The following CD99 variants were observed in gnomAD, a reference collection of about 807,000 sequenced individuals.
CD99 encodes CD99 antigen.
In CD99, 19 loss-of-function variants were observed where a neutral mutation model predicts 28.4. The observed-to-expected ratio is 0.67, with a 90% CI of 0.47 to 0.98. The LOEUF (loss-of-function observed/expected upper bound fraction) is 0.98, where lower values mean the gene tolerates loss of function less well. Among genes scored for constraint, CD99 ranks in the 50% least tolerant of loss-of-function variants. The pLI is 0.00. For missense variants in CD99, 283 were observed against 248.8 expected, an observed-to-expected ratio of 1.14 and a Z score of -0.92; for synonymous variants, 103 against 92.1, an observed-to-expected ratio of 1.12 and a Z score of -0.67.
intron 1 of CD99, 81 bp downstream of exon 1, chrX:2,691,508 G>A: frequency 6.9e-6 from 10 of 1,446,824 alleles, no homozygotes; most frequent in Middle Eastern, 2.1e-4. Flanking sequence ...TGCGGCGTTG[G>A]GGGCGCCCCG....
At chrX:2,704,271 A>G (rs2048018155) in intron 1 of CD99, among the ~76,000 whole-genome samples, 1 of 152,082 alleles carries the variant, frequency 6.6e-6, no homozygotes, top group South Asian at 2.1e-4. Context: ...TTCTTACCAA[A>G]CATATTGTAA....
intron 8 of CD99, among the ~76,000 whole-genome samples, chrX:2,732,562 CCTCT>C (rs201358537): frequency 7.3e-6 from 1 of 137,620 alleles, no homozygotes. Context: ...CTCAGTTCTC[CCTCT>C]CTCTCTCTTT....
chrX:2,709,274 G>C (rs910757777), intron 1 of CD99, among the ~76,000 whole-genome samples: 15 of 90,134 alleles, frequency 1.7e-4, no homozygotes, highest in Non-Finnish European at 5.2e-4. Context: ...CAAGTCACAT[G>C]TGCACGTGAG....
At chrX:2,710,246 T>C (rs376038964) in intron 1 of CD99, among the ~76,000 whole-genome samples, 1 of 152,142 alleles carries the variant, frequency 6.6e-6, no homozygotes, top group South Asian at 2.1e-4. Flanking sequence ...CACTGGAGTT[T>C]CCTGGGTTCT....
rs761275997 is a variant in CD99, at chrX:2,723,315, A to T, written c.312A>T (p.Gly104=). The change falls in exon 7 of 10, where the codon GGA becomes GGT. Residue 104 remains glycine (G), a splice_region_variant and synonymous_variant. Coordinates refer to ENST00000381192, the MANE Select transcript of CD99 (RefSeq NM_002414.5). ...GCAGACGTTGTTTTTGTCTTGCAGG[A>T]AAAGGAGGCAGTGATGGTGGAGGCA... ...DLADGVSGGE[G]KGGSDGGGSH... The T allele has an allele frequency of 8.1e-6, 13 of 1,613,886 alleles. No homozygotes were observed. The East Asian group carries it at 2.7e-4, about 33-fold the overall frequency.
chrX:2,693,150 G>T (rs1366933788), intron 1 of CD99, among the ~76,000 whole-genome samples: 1 of 147,024 alleles, frequency 6.8e-6, no homozygotes, highest in Admixed American at 6.8e-5. Context: ...GGTGGTGGTG[G>T]TTTTTTTTTT....
intron 8 of CD99, 108 bp downstream of exon 8, chrX:2,726,481 G>A (rs1348116488): frequency 1.3e-6 from 1 of 751,956 alleles, no homozygotes; most frequent in Admixed American, 1.9e-5. Flanking sequence ...ACAGGTGCAC[G>A]ATGGCTGATG....
intron 1 of CD99, among the ~76,000 whole-genome samples, chrX:2,696,132 A>C (rs968457361): frequency 5.9e-5 from 9 of 152,208 alleles, no homozygotes; most frequent in Admixed American, 6.5e-5. Context: ...TTTTTAGAGA[A>C]TTGGCAGAGA....
chrX:2,730,949 GAGAA>G (rs1179596859), intron 8 of CD99, among the ~76,000 whole-genome samples: 48 of 137,858 alleles, frequency 3.5e-4, no homozygotes, highest in East Asian at 2.1e-3. Flanking sequence ...AAAAAAAAAA[GAGAA>G]AGAAAACAAA....
At chrX:2,723,214 A>T in intron 6 of CD99, 100 bp from the exon 7 acceptor site, 1 of 1,170,192 alleles carries the variant, frequency 8.5e-7, no homozygotes, top group Non-Finnish European at 1.3e-6. Context: ...GTACCCCCGT[A>T]GAGTGTAAGA....
chrX:2,704,648 C>T (rs2048034002), intron 1 of CD99, among the ~76,000 whole-genome samples: 1 of 151,876 alleles, frequency 6.6e-6, no homozygotes, highest in African/African-American at 2.4e-5. Flanking sequence ...GGTCTCGAAC[C>T]CCTGACCTCA....
At chrX:2,738,387 A>T (rs954618750) in intron 9 of CD99, 131 bp downstream of exon 9, 1 of 842,900 alleles carries the variant, frequency 1.2e-6, no homozygotes, top group Non-Finnish European at 2.0e-6. Context: ...GTCTTCCTTT[A>T]TGTCTCGTTG....
At chrX:2,733,422 C>T (rs2049777784) in intron 8 of CD99, 5 of 1,560,378 alleles carry the variant, frequency 3.2e-6, no homozygotes, top group South Asian at 2.4e-5. Context: ...TGACCGTAAT[C>T]GTTTTATCTG....
At chrX:2,730,975 C>T (rs1433102969) in intron 8 of CD99, among the ~76,000 whole-genome samples, 1 of 151,290 alleles carries the variant, frequency 6.6e-6, no homozygotes, top group African/African-American at 2.4e-5. Context: ...ACAAGGCACT[C>T]TTCTATAAAT....
chrX:2,720,138 C>T (rs2048923827), intron 4 of CD99, among the ~76,000 whole-genome samples: 1 of 152,136 alleles, frequency 6.6e-6, no homozygotes, highest in South Asian at 2.1e-4. Context: ...CTGGTGTGGA[C>T]ACCCGCTTTA....
chrX:2,722,213 T>G (rs1255878297), intron 5 of CD99, among the ~76,000 whole-genome samples: 3 of 152,222 alleles, frequency 2.0e-5, no homozygotes, highest in Non-Finnish European at 4.4e-5. Flanking sequence ...TATTCTTACA[T>G]TCTGATATGA....
intron 1 of CD99, among the ~76,000 whole-genome samples, chrX:2,694,420 G>C (rs369011670): frequency 6.6e-6 from 1 of 151,944 alleles, no homozygotes; most frequent in South Asian, 2.1e-4. Flanking sequence ...CCATCAGCGC[G>C]TTTGGCTCTG....
At chrX:2,728,603 AAGCAAAC>A (rs2049420537) in intron 8 of CD99, among the ~76,000 whole-genome samples, 1 of 152,122 alleles carries the variant, frequency 6.6e-6, no homozygotes, top group African/African-American at 2.4e-5. Flanking sequence ...CGTTGGAAAA[AAGCAAAC>A]AGCATAACAT....
intron 1 of CD99, among the ~76,000 whole-genome samples, chrX:2,695,554 A>G (rs139755613): frequency 0.016 from 2,426 of 152,072 alleles, 68 homozygotes; most frequent in African/African-American, 0.054. Flanking sequence ...TGGGACTACA[A>G]GCACACACCA....
Sources: allele counts gnomAD v4.1 joint callset (sites outside exome capture counted in the v4.1 genomes callset), GRCh38; gene constraint gnomAD v4.1.1; transcripts MANE v1.5; gene names NCBI Gene and HGNC (gene_info 2026-07-23, HGNC 2026-07-21).